The following MCTP1 variants were observed in gnomAD, a reference collection of about 807,000 sequenced individuals.
MCTP1 encodes the protein multiple C2 and transmembrane domain-containing protein 1.
In MCTP1, 69 loss-of-function variants were observed where a neutral mutation model predicts 120.6. That is an observed-to-expected ratio of 0.57 (90% CI 0.47 to 0.70). MCTP1 has a LOEUF of 0.70. MCTP1 is among the 30% of genes least tolerant of loss of function. The pLI is 0.00. For missense variants in MCTP1, 1,203 were observed against 1,248.8 expected (o/e 0.96, Z 0.55); for synonymous variants, 529 against 493.1 (o/e 1.07, Z -0.96).
At chr5:95,086,880 TA>T in intron 1 of MCTP1, among the ~76,000 whole-genome samples, 1 of 152,278 alleles carries the variant, frequency 6.6e-6, no homozygotes, top group South Asian at 2.1e-4. Flanking sequence ...ACATCAAAGT[TA>T]AAATAAACTC....
At chr5:95,093,281 C>T (rs1012180983) in intron 1 of MCTP1, among the ~76,000 whole-genome samples, 4 of 152,118 alleles carry the variant, frequency 2.6e-5, no homozygotes, top group African/African-American at 4.8e-5. Context: ...CAATTCCTAG[C>T]AGTAGGATTA....
rs142145706 is a variant in MCTP1 at position 95,207,319 on chromosome 5, A to C, written c.720+76537T>G. 1.4e-3 allele frequency among the ~76,000 whole-genome samples: 213 copies of C among 152,270 alleles called. 1 individual carries two copies. The highest frequency in any genetic ancestry group is 4.7e-3 in the African/African-American group (196 of 41,568). On this transcript the variant is annotated intron_variant, in intron 1 of 22. Transcript: ENST00000515393. ...ATCTCTGGGACAGAGGAGGGACATG[A>C]GTGTTTGATAACCTGCAAGTTGAAA... is the stretch of plus-strand genomic sequence containing the variant.
intron 1 of MCTP1, among the ~76,000 whole-genome samples, chr5:95,188,110 G>A (rs554150845): frequency 3.9e-5 from 6 of 152,076 alleles, no homozygotes; most frequent in Non-Finnish European, 8.8e-5. Context: ...ACATGGAAAA[G>A]ATATTTTACC....
chr5:95,126,397 A>T (rs988946030), intron 1 of MCTP1, among the ~76,000 whole-genome samples: 4 of 152,234 alleles, frequency 2.6e-5, no homozygotes, highest in Non-Finnish European at 5.9e-5. Flanking sequence ...AGCCACAGTG[A>T]AGTAAAAGAA....
At chr5:95,169,762 T>C (rs1416510295) in intron 1 of MCTP1, among the ~76,000 whole-genome samples, 1 of 152,216 alleles carries the variant, frequency 6.6e-6, no homozygotes, top group African/African-American at 2.4e-5. Flanking sequence ...CATTTTTTAT[T>C]GCATCTATTT....
chr5:95,181,638 C>G (rs922276131), intron 1 of MCTP1, among the ~76,000 whole-genome samples: 1 of 152,146 alleles, frequency 6.6e-6, no homozygotes, highest in African/African-American at 2.4e-5. Context: ...TCACTTAGCA[C>G]ACTTTTGATA....
chr5:94,718,574 C>G (rs531902972), intron 19 of MCTP1, among the ~76,000 whole-genome samples: 2 of 152,070 alleles, frequency 1.3e-5, no homozygotes. Context: ...TCAGAGTGAA[C>G]AGACAACCCA....
chr5:95,066,290 T>C (rs149788004), intron 1 of MCTP1, among the ~76,000 whole-genome samples: 62 of 152,162 alleles, frequency 4.1e-4, no homozygotes, highest in Admixed American at 1.2e-3. Flanking sequence ...TGAATCAAAA[T>C]TACAATAAGA....
intron 2 of MCTP1, among the ~76,000 whole-genome samples, chr5:94,954,702 A>G (rs1370230536): frequency 6.6e-6 from 1 of 152,214 alleles, no homozygotes; most frequent in African/African-American, 2.4e-5. Flanking sequence ...TAGTTTTAAC[A>G]GCATATATAC....
At chr5:94,893,478 G>A (rs1803155999) in intron 11 of MCTP1, among the ~76,000 whole-genome samples, 1 of 152,142 alleles carries the variant, frequency 6.6e-6, no homozygotes, top group East Asian at 1.9e-4. Context: ...TAGGCTCTTA[G>A]GTGGTTTAAA....
intron 17 of MCTP1, among the ~76,000 whole-genome samples, chr5:94,806,696 T>C (rs1782384524): frequency 6.6e-6 from 1 of 152,230 alleles, no homozygotes; most frequent in Non-Finnish European, 1.5e-5. Context: ...AACTACAGTA[T>C]ATTTTAAAAA....
intron 1 of MCTP1, among the ~76,000 whole-genome samples, chr5:95,169,846 G>A (rs942667650): frequency 7.2e-5 from 11 of 152,070 alleles, no homozygotes; most frequent in African/African-American, 2.7e-4. Flanking sequence ...CAAAAACCAG[G>A]TCCTGAATTC....
At chr5:95,177,534 T>C (rs1329865073) in intron 1 of MCTP1, among the ~76,000 whole-genome samples, 3 of 152,212 alleles carry the variant, frequency 2.0e-5, no homozygotes, top group African/African-American at 7.2e-5. Context: ...AAGAGTAGTA[T>C]CTTAAAAGCT....
intron 1 of MCTP1, among the ~76,000 whole-genome samples, chr5:95,220,211 A>C (rs1165676372): frequency 6.6e-6 from 1 of 152,200 alleles, no homozygotes; most frequent in African/African-American, 2.4e-5. Context: ...TAAGTACATG[A>C]GAGATTTTTT....
chr5:94,959,418 C>G (rs1021262511), intron 2 of MCTP1, among the ~76,000 whole-genome samples: 7 of 152,138 alleles, frequency 4.6e-5, no homozygotes, highest in African/African-American at 1.7e-4. Context: ...AAGTTCCGGC[C>G]AGGGCAATTA....
At chr5:95,226,289 A>G (rs1339586449) in intron 1 of MCTP1, among the ~76,000 whole-genome samples, 1 of 152,222 alleles carries the variant, frequency 6.6e-6, no homozygotes, top group East Asian at 1.9e-4. Flanking sequence ...ATATTTAAAT[A>G]GAGTATTGTG....
chr5:95,215,652 T>TC (rs1186630104), intron 1 of MCTP1, among the ~76,000 whole-genome samples: 5 of 152,194 alleles, frequency 3.3e-5, no homozygotes, highest in Non-Finnish European at 5.9e-5. Flanking sequence ...CTGCTTTTTT[T>TC]CTCTCCTTTT....
chr5:94,776,716 A>T (rs1288482831), intron 19 of MCTP1, among the ~76,000 whole-genome samples: 1 of 152,220 alleles, frequency 6.6e-6, no homozygotes, highest in Admixed American at 6.5e-5. Flanking sequence ...GGCAAAGAAC[A>T]CATTTGTTTT....
At chr5:94,901,681 G>C (rs1459905975) in intron 10 of MCTP1, among the ~76,000 whole-genome samples, 1 of 151,248 alleles carries the variant, frequency 6.6e-6, no homozygotes, top group Non-Finnish European at 1.5e-5. Context: ...CATCTTTATG[G>C]GGTGATGTTA....
Sources: gnomAD v4.1 joint callset for allele counts (sites outside exome capture counted in the v4.1 genomes callset) on GRCh38, gnomAD v4.1.1 for gene constraint, MANE v1.5 for transcripts, NCBI Gene and HGNC (gene_info 2026-07-23, HGNC 2026-07-21) for gene names.